The following TDRD10 variants were observed in gnomAD, a reference collection of about 807,000 sequenced individuals.
The protein encoded by TDRD10 is tudor domain containing 10, also known as tudor domain-containing protein 10.
TDRD10 carries 40 observed loss-of-function variants against 48.0 expected under a neutral mutation model. The ratio of observed to expected loss-of-function variants is 0.83; its 90% CI spans 0.65 to 1.09. TDRD10 has a LOEUF of 1.09. TDRD10 is among the 50% of genes least tolerant of loss of function. The pLI, the probability that TDRD10 is intolerant of heterozygous loss-of-function variation, is 0.00. For synonymous variants in TDRD10, 162 were observed against 170.4 expected (o/e 0.95, Z 0.38); for missense variants, 378 against 434.7 (o/e 0.87, Z 1.16).
chr1:154,515,606 C>T (rs1227557053), intron 4 of TDRD10, among the ~76,000 whole-genome samples: 2 of 152,210 alleles, frequency 1.3e-5, no homozygotes. Context: ...TTCTCAGAGG[C>T]CCTCCCCGGC....
chr1:154,547,410 C>G lies in TDRD10; in HGVS notation c.954C>G (p.Asp318Glu). The G allele has an allele frequency of 6.2e-7, 1 of 1,614,214 alleles. No individual in the cohort carries two copies. Among genetic ancestry groups the G allele is most frequent in the Non-Finnish European group, 8.5e-7 (1 of 1,180,036 alleles). ...TTGTTGTTGTGTCTTGTTTTGCAGA[C>G]ATTTTGAGTTCGTATGAGGTTGTCC... Reference protein sequence around the residue: ...PLTQPFMLEKDILSSYEVVHR... With the variant: ...PLTQPFMLEKEILSSYEVVHR... Residue 318 changes from aspartate to glutamate, a missense_variant and splice_region_variant, in exon 12 of 13, where the codon GAC becomes GAG. Asp to Glu is a conservative substitution (Grantham distance 45). This residue lies in a region of TDRD10 where 68 missense variants were observed against 111.1 expected (regional missense o/e 0.61). Transcript: ENST00000368482.
Position 154,530,140 on chromosome 1 carries a change from G to A in TDRD10, c.369+8661G>A, listed in dbSNP as rs139106347. 4.5e-3 allele frequency among the ~76,000 whole-genome samples: 676 copies of A among 151,506 alleles called. 5 individuals carry two copies. The highest frequency in any genetic ancestry group is 0.015 in the African/African-American group (633 of 41,270). On this transcript the variant is annotated intron_variant, in intron 6 of 12. Coordinates refer to ENST00000368482, the MANE Select transcript of TDRD10 (RefSeq NM_182499.4). ...AGTGATTCTCCTGCCTCAGCCTCCC[G>A]AGGAGCTGGAATTACAGGCACCTAC...
At chr1:154,540,384 C>T (rs1024830567) in intron 6 of TDRD10, among the ~76,000 whole-genome samples, 10 of 151,306 alleles carry the variant, frequency 6.6e-5, no homozygotes, top group South Asian at 2.1e-4. Flanking sequence ...GGTAGTGATG[C>T]GGTAGGCTGA....
At chr1:154,531,428 G>A (rs1694612769) in intron 6 of TDRD10, among the ~76,000 whole-genome samples, 2 of 152,196 alleles carry the variant, frequency 1.3e-5, no homozygotes, top group Admixed American at 6.5e-5. Context: ...ATGTTCGGAT[G>A]TGTTCAGAGT....
intron 1 of TDRD10, among the ~76,000 whole-genome samples, chr1:154,506,334 CT>C (rs1693150419): frequency 6.6e-6 from 1 of 151,520 alleles, no homozygotes; most frequent in Admixed American, 6.6e-5. Context: ...TAGAGTCCTT[CT>C]TATATCACAT....
chr1:154,528,785 C>T (rs2149334820), intron 6 of TDRD10, among the ~76,000 whole-genome samples: 1 of 150,740 alleles, frequency 6.6e-6, no homozygotes, highest in Admixed American at 6.6e-5. Context: ...CACTGCAGGT[C>T]AGCTTGGGCT....
intron 6 of TDRD10, among the ~76,000 whole-genome samples, chr1:154,523,148 C>T (rs748885192): frequency 2.0e-5 from 3 of 152,266 alleles, no homozygotes; most frequent in Non-Finnish European, 4.4e-5. Flanking sequence ...TCAAATGATC[C>T]GTCCACCTCA....
chr1:154,520,629 A>G lies in TDRD10; in HGVS notation c.212+255A>G, dbSNP rs529474738. Among the ~76,000 whole-genome samples the G allele has an allele frequency of 8.5e-5, 13 of 152,290 alleles. No homozygotes were observed. In the South Asian group the frequency reaches 2.7e-3, roughly 32 times the overall value. On this transcript the variant is annotated intron_variant, in intron 5 of 12. Coordinates refer to ENST00000368482, the MANE Select transcript of TDRD10 (RefSeq NM_182499.4). ...ATATTTTTGGTCATGTCCTTGCTGT[A>G]TTTTCTGACTTGAGATAAGTTACTA...
intron 4 of TDRD10, chr1:154,509,765 T>C: frequency 2.0e-6 from 2 of 982,284 alleles, no homozygotes; most frequent in Non-Finnish European, 2.4e-6. Context: ...ACGAGCCTAC[T>C]AGGGCTGGTT....
At position 154,541,966 on chromosome 1, in the gene TDRD10, G is replaced by A. The variant is rs1695262050; in HGVS notation, c.370-58G>A. ...AGTCTACCTGGAGTGATTCAACATA[G>A]AAATCAATAAAACAAATGCCACCAT... On this transcript the variant is annotated intron_variant, in intron 6 of 12. Coordinates refer to ENST00000368482, the MANE Select transcript of TDRD10 (RefSeq NM_182499.4). 7 of 1,568,810 alleles carry A rather than the reference G, an allele frequency of 4.5e-6. No individual in the cohort carries two copies. In the East Asian group the frequency reaches 1.3e-4, roughly 30 times the overall value.
intron 4 of TDRD10, among the ~76,000 whole-genome samples, chr1:154,511,307 T>C (rs1050423631): frequency 6.6e-6 from 1 of 151,258 alleles, no homozygotes; most frequent in Non-Finnish European, 1.5e-5. Context: ...GGTCTCACCA[T>C]GTTGCCCAGT....
chr1:154,547,170 A>C (rs1381287282), intron 11 of TDRD10, among the ~76,000 whole-genome samples: 1 of 152,180 alleles, frequency 6.6e-6, no homozygotes, highest in Admixed American at 6.5e-5. Flanking sequence ...TATTTTAACA[A>C]GTGCCTCCTC....
chr1:154,507,341 C>A, intron 3 of TDRD10, 21 bp downstream of exon 3: 8 of 1,613,030 alleles, frequency 5.0e-6, no homozygotes, highest in Non-Finnish European at 6.8e-6. Flanking sequence ...CTGGGGGATT[C>A]GCTGGTGCTG....
At chr1:154,522,137 G>A (rs2149327767) in intron 6 of TDRD10, among the ~76,000 whole-genome samples, 1 of 152,280 alleles carries the variant, frequency 6.6e-6, no homozygotes, top group African/African-American at 2.4e-5. Flanking sequence ...TTAGCGATTT[G>A]TTTTTCTTTC....
chr1:154,537,006 C>A (rs1694954833), intron 6 of TDRD10, among the ~76,000 whole-genome samples: 1 of 152,214 alleles, frequency 6.6e-6, no homozygotes, highest in African/African-American at 2.4e-5. Flanking sequence ...ATGAAAATAT[C>A]TTGTCACACC....
At chr1:154,511,179 A>G (rs116059394) in intron 4 of TDRD10, among the ~76,000 whole-genome samples, 6,048 of 152,172 alleles carry the variant, frequency 0.04, 164 homozygotes, top group Non-Finnish European at 0.058. Context: ...ATCTCAGCTC[A>G]CTACAGCCTC....
chr1:154,525,885 G>C (rs1238683900), intron 6 of TDRD10, among the ~76,000 whole-genome samples: 3 of 90,910 alleles, frequency 3.3e-5, no homozygotes, highest in Non-Finnish European at 5.9e-5. Flanking sequence ...AACAGAGCAA[G>C]ATTCCGTCTC....
At chr1:154,521,280 T>C (rs1389752309) in intron 5 of TDRD10, 43 bp from the exon 6 acceptor site, 1 of 1,606,142 alleles carries the variant, frequency 6.2e-7, no homozygotes, top group South Asian at 1.1e-5. Context: ...TGGGCTTCTC[T>C]GGAGATGTGC....
intron 4 of TDRD10, among the ~76,000 whole-genome samples, chr1:154,511,183 C>T (rs1342682713): frequency 6.6e-6 from 1 of 152,106 alleles, no homozygotes; most frequent in African/African-American, 2.4e-5. Context: ...CAGCTCACTA[C>T]AGCCTCTGCC....
Sources: gnomAD v4.1 joint callset for allele counts (sites outside exome capture counted in the v4.1 genomes callset) on GRCh38, gnomAD v4.1.1 for gene constraint, gnomAD v4.1.1 regional missense constraint, MANE v1.5 for transcripts, NCBI Gene and HGNC (gene_info 2026-07-23, HGNC 2026-07-21) for gene names.